TRAF3: variants seen among roughly 807,000 people sequenced by gnomAD.
The protein encoded by TRAF3 is TNF receptor-associated factor 3.
TRAF3 carries 13 observed loss-of-function variants against 62.3 expected under a neutral mutation model. The observed-to-expected ratio is 0.21, with a 90% CI of 0.14 to 0.33. The LOEUF (loss-of-function observed/expected upper bound fraction) is 0.33. Ranked by LOEUF, TRAF3 falls within the 10% of genes least tolerant of loss-of-function variation. The pLI, the probability that TRAF3 is intolerant of heterozygous loss-of-function variation, is 1.00. For synonymous variants in TRAF3, 269 were observed against 283.4 expected (o/e 0.95, Z 0.51); for missense variants, 440 against 741.8 (o/e 0.59, Z 4.73).
intron 1 of TRAF3, among the ~76,000 whole-genome samples, chr14:102,789,957 A>G (rs1897709409): frequency 6.6e-6 from 1 of 151,870 alleles, no homozygotes; most frequent in Admixed American, 6.6e-5. Context: ...TCTCCTGAGT[A>G]ACTGGGACTA....
intron 10 of TRAF3, among the ~76,000 whole-genome samples, chr14:102,898,939 TC>T (rs1184414715): frequency 2.6e-5 from 4 of 152,190 alleles, no homozygotes; most frequent in Non-Finnish European, 4.4e-5. Context: ...GCGGTCAGTG[TC>T]CCTTGACCTG....
rs1347404847 is a variant in TRAF3, at chr14:102,910,638, C to T, written c.*4854C>T. 6.6e-6 allele frequency: 1 copy of T among 152,242 alleles called. No individual in the cohort carries two copies. Among genetic ancestry groups the T allele is most frequent in the South Asian group, 2.1e-4 (1 of 4,816 alleles). The allele number at this position is 152,242 out of a possible 1,614,324, so 9.4% of individuals were successfully genotyped here. A position where few individuals can be genotyped will look rare whatever the true frequency, so the allele number is the denominator to read the frequency against. On this transcript the variant is annotated 3_prime_UTR_variant, in exon 12 of 12. Coordinates refer to ENST00000392745, the MANE Select transcript of TRAF3 (RefSeq NM_145725.3). Reference sequence around the variant, plus strand: ...TTCCACCTGATCCTGGTGTGCCCCACATGCGGTGGCAGGGCAGACGTGTGA... The same window carrying T: ...TTCCACCTGATCCTGGTGTGCCCCATATGCGGTGGCAGGGCAGACGTGTGA...
At chr14:102,851,018 G>A (rs1364108717) in intron 2 of TRAF3, among the ~76,000 whole-genome samples, 6 of 152,212 alleles carry the variant, frequency 3.9e-5, no homozygotes, top group African/African-American at 1.4e-4. Flanking sequence ...AGAGGCGCAT[G>A]TGTCCAGCAT....
Position 102,826,628 on chromosome 14 carries a change from C to T in TRAF3, c.-156-3706C>T, listed in dbSNP as rs1345709276. Among the ~76,000 whole-genome samples the T allele has an allele frequency of 6.6e-6, 1 of 152,168 alleles. No homozygotes were observed. Among genetic ancestry groups the T allele is most frequent in the Non-Finnish European group, 1.5e-5 (1 of 68,024 alleles). ...AGAACAGCATAACATTGGCAGAGGTCTGACATGTCATTTCCTGTTACTAGA... is the reference window on the plus strand; with the variant it reads ...AGAACAGCATAACATTGGCAGAGGTTTGACATGTCATTTCCTGTTACTAGA... On this transcript the variant is annotated intron_variant, in intron 1 of 11. Transcript: ENST00000392745. The surrounding 1 kb of genome is among the most constrained non-coding windows in gnomAD (Gnocchi z 4.6).
At chr14:102,815,277 C>T (rs1047211107) in intron 1 of TRAF3, among the ~76,000 whole-genome samples, 9 of 152,104 alleles carry the variant, frequency 5.9e-5, no homozygotes, top group African/African-American at 9.7e-5. Context: ...AATCCAAGGT[C>T]GTGAAGATTT....
chr14:102,815,755 C>G (rs1171538020), intron 1 of TRAF3, among the ~76,000 whole-genome samples: 1 of 152,170 alleles, frequency 6.6e-6, no homozygotes, highest in South Asian at 2.1e-4. Flanking sequence ...CCTCAGGAAA[C>G]TTACAATCAA....
intron 1 of TRAF3, among the ~76,000 whole-genome samples, chr14:102,807,185 T>A (rs975746425): frequency 6.6e-6 from 1 of 152,208 alleles, no homozygotes; most frequent in Non-Finnish European, 1.5e-5. Context: ...CTGAAAACCC[T>A]TTACGGCCTC....
rs1038082797 is a variant in TRAF3 at position 102,883,178 on chromosome 14, G to C, written c.571-3011G>C. Among the ~76,000 whole-genome samples the C allele has an allele frequency of 2.0e-5, 3 of 152,188 alleles. No individual in the cohort carries two copies. In the East Asian group the frequency reaches 5.8e-4, roughly 29 times the overall value. The stretch of plus-strand genomic sequence containing the variant: ...AGCCGCAGAAATCTGGAAACAGCCG[G>C]AGCACCCATCAGCAGGTGGAAATTA... On this transcript the variant is annotated intron_variant, in intron 6 of 11. Transcript: ENST00000392745.
intron 10 of TRAF3, among the ~76,000 whole-genome samples, chr14:102,900,928 T>C (rs1349459496): frequency 6.6e-6 from 1 of 152,230 alleles, no homozygotes; most frequent in Non-Finnish European, 1.5e-5. Context: ...TTATAGAAAC[T>C]GCAGTGACTG....
At chr14:102,886,864 G>A (rs1318995529) in intron 7 of TRAF3, among the ~76,000 whole-genome samples, 2 of 152,120 alleles carry the variant, frequency 1.3e-5, no homozygotes, top group Non-Finnish European at 2.9e-5. Context: ...GGTGACGAGG[G>A]GTTTTTAAAG....
chr14:102,876,841 C>T (rs143249607), intron 6 of TRAF3, among the ~76,000 whole-genome samples: 111 of 151,058 alleles, frequency 7.3e-4, no homozygotes, highest in African/African-American at 2.5e-3. Flanking sequence ...ACAGGCCTTC[C>T]GCTCAGTTCA....
chr14:102,787,608 A>T (rs1897570117), intron 1 of TRAF3, among the ~76,000 whole-genome samples: 1 of 151,960 alleles, frequency 6.6e-6, no homozygotes, highest in Non-Finnish European at 1.5e-5. Flanking sequence ...AATCGCTTGA[A>T]TTCGGGAGGT....
chr14:102,886,292 G>A (rs745716132), intron 7 of TRAF3, 23 bp downstream of exon 7: 37 of 1,596,424 alleles, frequency 2.3e-5, no homozygotes, highest in Admixed American at 1.7e-4. Flanking sequence ...GGGCCCGGCC[G>A]GGAGTCTGTG....
intron 2 of TRAF3, among the ~76,000 whole-genome samples, chr14:102,840,219 A>G (rs1229953224): frequency 6.6e-6 from 1 of 152,100 alleles, no homozygotes; most frequent in Non-Finnish European, 1.5e-5. Flanking sequence ...ATGATGAAAA[A>G]CAAAATTATT....
At chr14:102,789,712 A>G (rs1358054498) in intron 1 of TRAF3, among the ~76,000 whole-genome samples, 5 of 151,836 alleles carry the variant, frequency 3.3e-5, no homozygotes, top group African/African-American at 1.2e-4. Flanking sequence ...TTTCTTGATG[A>G]GCAAAGATAT....
At chr14:102,898,701 A>G (rs566680966) in intron 10 of TRAF3, among the ~76,000 whole-genome samples, 2 of 152,332 alleles carry the variant, frequency 1.3e-5, no homozygotes, top group Admixed American at 6.5e-5. Context: ...TGATGTACCA[A>G]CGCCCCATCC....
intron 1 of TRAF3, among the ~76,000 whole-genome samples, chr14:102,811,103 A>G (rs1056850351): frequency 5.3e-5 from 8 of 152,208 alleles, no homozygotes; most frequent in African/African-American, 1.4e-4. Context: ...TTCAGTATGT[A>G]TGCACTTAGA....
At chr14:102,902,091 C>G (rs1262144166) in intron 10 of TRAF3, among the ~76,000 whole-genome samples, 1 of 152,260 alleles carries the variant, frequency 6.6e-6, no homozygotes, top group Non-Finnish European at 1.5e-5. Flanking sequence ...CCCACCCCTC[C>G]AGGTAGTGAC....
In TRAF3 at chr14:102,801,269, C is replaced by T. The variant is rs75756309; in HGVS notation, c.-157+23594C>T. Among the ~76,000 whole-genome samples the T allele has an allele frequency of 4.8e-3, 725 of 151,852 alleles. 3 individuals are homozygous for T. Among genetic ancestry groups the T allele is most frequent in the Non-Finnish European group, 5.9e-3 (403 of 67,890 alleles). On this transcript the variant is annotated intron_variant, in intron 1 of 11. Transcript: ENST00000392745. ...GATTACAGTCAAGAGCCACCACACC[C>T]GGTGAATTAATGTGTTTTCTTATGG...
Sources: allele counts gnomAD v4.1 joint callset (sites outside exome capture counted in the v4.1 genomes callset), GRCh38; gene constraint gnomAD v4.1.1; non-coding constraint Gnocchi (gnomAD v3.1); transcripts MANE v1.5; gene names NCBI Gene and HGNC (gene_info 2026-07-23, HGNC 2026-07-21).